Variants in HIRA observed in about 807,000 individuals in gnomAD.
HIRA encodes the protein protein HIRA.
HIRA carries 13 observed loss-of-function variants against 126.6 expected under a neutral mutation model. The ratio of observed to expected loss-of-function variants is 0.10; its 90% CI spans 0.07 to 0.16. HIRA has a LOEUF of 0.16. Among genes scored for constraint, HIRA ranks in the 10% least tolerant of loss-of-function variants. The pLI is 1.00. For synonymous variants in HIRA, 511 were observed against 520.0 expected, an observed-to-expected ratio of 0.98 and a Z score of 0.24; for missense variants, 834 against 1,314.4, an observed-to-expected ratio of 0.63 and a Z score of 5.65.
At chr22:19,376,872 C>T (rs1010726999) in intron 14 of HIRA, among the ~76,000 whole-genome samples, 3 of 152,204 alleles carry the variant, frequency 2.0e-5, no homozygotes, top group African/African-American at 4.8e-5. Flanking sequence ...ATCGCTCTGA[C>T]GGTATCAGCT....
intron 13 of HIRA, among the ~76,000 whole-genome samples, chr22:19,382,198 G>A (rs1038132737): frequency 6.6e-6 from 1 of 152,182 alleles, no homozygotes. Flanking sequence ...AAAAGGATCA[G>A]GTCCTGATGC....
At chr22:19,414,743 C>T (rs764871297) in intron 1 of HIRA, among the ~76,000 whole-genome samples, 12 of 152,170 alleles carry the variant, frequency 7.9e-5, no homozygotes, top group Middle Eastern at 3.4e-3. Context: ...AAGGTGGGGC[C>T]GGTCATGGTG....
At chr22:19,423,668 T>C (rs1045065653) in intron 1 of HIRA, among the ~76,000 whole-genome samples, 6 of 152,318 alleles carry the variant, frequency 3.9e-5, no homozygotes, top group South Asian at 2.1e-4. Flanking sequence ...GTCCCTTCTG[T>C]CTGGTCTTCA....
chr22:19,345,728 CCT>C (rs782052095), intron 24 of HIRA, among the ~76,000 whole-genome samples: 8 of 152,142 alleles, frequency 5.3e-5, no homozygotes, highest in Non-Finnish European at 1.2e-4. Flanking sequence ...GTTGGGGACC[CCT>C]GTCTTACACT....
chr22:19,407,436 C>CT (rs2089317173), intron 3 of HIRA, among the ~76,000 whole-genome samples, 162 bp from the exon 4 acceptor site: 1 of 152,162 alleles, frequency 6.6e-6, no homozygotes, highest in South Asian at 2.1e-4. Flanking sequence ...AGTTTAAGCA[C>CT]TAACCTACTT....
At chr22:19,375,488 T>C (rs749875486) in intron 15 of HIRA, 143 bp downstream of exon 15, 10 of 801,190 alleles carry the variant, frequency 1.2e-5, no homozygotes, top group South Asian at 1.9e-5. Context: ...CTAAGGGCTC[T>C]GCAGTCTTGC....
intron 15 of HIRA, among the ~76,000 whole-genome samples, chr22:19,362,505 A>T (rs191654306): frequency 9.3e-4 from 142 of 152,276 alleles, no homozygotes; most frequent in South Asian, 2.5e-3. Flanking sequence ...ACTAAAAAAA[A>T]TTTTTTAAAG....
intron 7 of HIRA, 119 bp from the exon 8 acceptor site, chr22:19,394,628 A>G: frequency 2.0e-6 from 2 of 1,010,350 alleles, no homozygotes; most frequent in South Asian, 3.2e-5. Context: ...CATGCACCCC[A>G]AGCTTCTGGC....
chr22:19,420,521 A>C (rs1335139604), intron 1 of HIRA, among the ~76,000 whole-genome samples: 3 of 151,732 alleles, frequency 2.0e-5, no homozygotes, highest in African/African-American at 2.4e-5. Context: ...ACAAAACCCC[A>C]AAAAACAAAA....
intron 14 of HIRA, among the ~76,000 whole-genome samples, chr22:19,376,831 G>GT (rs2146210692): frequency 6.6e-6 from 1 of 152,358 alleles, no homozygotes; most frequent in South Asian, 2.1e-4. Context: ...GGGGGCTGCA[G>GT]TAACACAAGA....
At chr22:19,331,583 G>C (rs782000935) in intron 24 of HIRA, 27 bp from the exon 25 acceptor site, 29 of 1,561,896 alleles carry the variant, frequency 1.9e-5, no homozygotes, top group Non-Finnish European at 2.5e-5. Context: ...ACAGCTGAGT[G>C]CAAGTGTCAG....
At chr22:19,372,464 A>T (rs191175928) in intron 15 of HIRA, among the ~76,000 whole-genome samples, 3 of 152,220 alleles carry the variant, frequency 2.0e-5, no homozygotes, top group Admixed American at 2.0e-4. Flanking sequence ...AGTTATTTAT[A>T]TAATTTAAAT....
intron 1 of HIRA, among the ~76,000 whole-genome samples, chr22:19,416,215 A>G (rs2089396521): frequency 6.6e-6 from 1 of 152,258 alleles, no homozygotes; most frequent in South Asian, 2.1e-4. Flanking sequence ...TACCATATAC[A>G]ATTAACTCAA....
chr22:19,425,872 G>A (rs1221556227), intron 1 of HIRA, among the ~76,000 whole-genome samples: 4 of 152,080 alleles, frequency 2.6e-5, no homozygotes, highest in East Asian at 1.9e-4. Context: ...TTAGCCAGGC[G>A]TGGTGGCATG....
Position 19,398,049 on chromosome 22 carries a change from G to A in HIRA, c.436C>T (p.Leu146=), listed in dbSNP as rs759920646. The change falls in exon 6 of 25, where the codon CTA becomes TTA. Residue 146 remains leucine (L), a synonymous_variant. Transcript: ENST00000263208. ...GTGTTATCCACGCTGCATGAGGCTA[G>A]CCAGGCATCGTGGGGAGACCATGCT... ...DVAWSPHDAW[L]ASCSVDNTVV... 6.2e-7 allele frequency: 1 copy of A among 1,614,070 alleles called. No homozygotes were observed. The highest frequency in any genetic ancestry group is 8.5e-7 in the Non-Finnish European group (1 of 1,179,980).
chr22:19,375,794 TG>T lies in HIRA; in HGVS notation c.1614-3del. On this transcript the variant is annotated splice_polypyrimidine_tract_variant and splice_region_variant and intron_variant, in intron 14 of 24. Transcript: ENST00000263208. ...GCAGGAGTAGAGGTAGCATTCATAC[TG>T]GGGTGAAGAAGAGGGGAGGCATGTC... 6.2e-7 allele frequency: 1 copy of T among 1,614,036 alleles called. No individual in the cohort carries two copies. The highest frequency in any genetic ancestry group is 1.6e-4 in the Middle Eastern group (1 of 6,062).
chr22:19,426,274 C>G (rs1288780012), intron 1 of HIRA, among the ~76,000 whole-genome samples: 1 of 152,188 alleles, frequency 6.6e-6, no homozygotes, highest in Non-Finnish European at 1.5e-5. Context: ...CCTCAATGTT[C>G]TCCTCTCTCC....
At chr22:19,339,988 C>T (rs1345328321) in intron 24 of HIRA, among the ~76,000 whole-genome samples, 1 of 152,094 alleles carries the variant, frequency 6.6e-6, no homozygotes, top group Non-Finnish European at 1.5e-5. Context: ...TTACAAAAGA[C>T]AGAGAAAGAG....
At chr22:19,384,941 A>G (rs1232738204) in intron 12 of HIRA, among the ~76,000 whole-genome samples, 1 of 152,074 alleles carries the variant, frequency 6.6e-6, no homozygotes, top group Non-Finnish European at 1.5e-5. Flanking sequence ...GGGGTGAGCC[A>G]CTGCGCCTGG....
Sources: gnomAD v4.1 joint callset for allele counts (sites outside exome capture counted in the v4.1 genomes callset) on GRCh38, gnomAD v4.1.1 for gene constraint, MANE v1.5 for transcripts, NCBI Gene and HGNC (gene_info 2026-07-23, HGNC 2026-07-21) for gene names.